Variants in ACBD6 observed in about 807,000 individuals in gnomAD.
ACBD6 encodes acyl-CoA binding domain containing 6, also known as acyl-CoA-binding domain-containing protein 6.
In ACBD6, 28 loss-of-function variants were observed where a neutral mutation model predicts 37.2. The observed-to-expected ratio is 0.75, with a 90% CI of 0.56 to 1.03. ACBD6 has a LOEUF of 1.03. Among genes scored for constraint, ACBD6 ranks in the 50% least tolerant of loss-of-function variants. ACBD6 has a pLI of 0.00. For missense variants in ACBD6, 340 were observed against 337.4 expected (o/e 1.01, Z -0.06); for synonymous variants, 113 against 126.8 (o/e 0.89, Z 0.73).
chr1:180,367,839 C>A (rs1382420437), intron 6 of ACBD6, among the ~76,000 whole-genome samples: 2 of 152,116 alleles, frequency 1.3e-5, no homozygotes. Flanking sequence ...GTGAATAGTA[C>A]TGCAGTGAAC....
At chr1:180,274,299 C>T in intron 10 of ACBD6, 1 of 1,614,224 alleles carries the variant, frequency 6.2e-7, no homozygotes, top group Non-Finnish European at 8.5e-7. Flanking sequence ...ACAGGACAAT[C>T]CTATCAGGAC....
intron 3 of ACBD6, among the ~76,000 whole-genome samples, chr1:180,472,855 T>A (rs942603475): frequency 6.6e-6 from 1 of 152,174 alleles, no homozygotes; most frequent in African/African-American, 2.4e-5. Flanking sequence ...GTTCAATAAA[T>A]CTTAGCTGAA....
intron 7 of ACBD6, among the ~76,000 whole-genome samples, chr1:180,312,008 T>C (rs1031032619): frequency 6.6e-6 from 1 of 152,342 alleles, no homozygotes; most frequent in South Asian, 2.1e-4. Flanking sequence ...ATCTTGATAT[T>C]TGGAAGAACA....
intron 1 of ACBD6, among the ~76,000 whole-genome samples, chr1:180,496,503 A>C (rs961162): frequency 0.16 from 24,180 of 152,040 alleles, 1,964 homozygotes; most frequent in Middle Eastern, 0.22. Flanking sequence ...TGATCTACTG[A>C]CTGCCTTAGG....
intron 6 of ACBD6, among the ~76,000 whole-genome samples, chr1:180,344,827 A>G (rs1044805211): frequency 3.3e-5 from 5 of 152,226 alleles, no homozygotes; most frequent in African/African-American, 1.2e-4. Flanking sequence ...GAATCAACAC[A>G]GATAATACAA....
intron 6 of ACBD6, among the ~76,000 whole-genome samples, chr1:180,344,916 C>T (rs1369877790): frequency 6.6e-6 from 1 of 152,142 alleles, no homozygotes; most frequent in Non-Finnish European, 1.5e-5. Flanking sequence ...GTATCACATA[C>T]AGCATGCTTG....
intron 8 of ACBD6, among the ~76,000 whole-genome samples, chr1:180,282,924 A>C (rs1005744711): frequency 3.3e-5 from 5 of 151,260 alleles, no homozygotes; most frequent in African/African-American, 1.2e-4. Context: ...TGTTCAGTCA[A>C]GGTTTGGTGG....
chr1:180,294,539 T>TA (rs945355802), intron 7 of ACBD6, among the ~76,000 whole-genome samples: 15 of 151,054 alleles, frequency 9.9e-5, no homozygotes, highest in African/African-American at 3.6e-4. Flanking sequence ...GACCCTGACT[T>TA]AAAAAAATAT....
At chr1:180,332,735 C>A (rs1443049619) in intron 6 of ACBD6, among the ~76,000 whole-genome samples, 2 of 152,010 alleles carry the variant, frequency 1.3e-5, no homozygotes, top group Non-Finnish European at 2.9e-5. Context: ...ATAAAGTGCA[C>A]AATAAATGTA....
At chr1:180,270,824 T>C (rs1558223305) in exon 14 of ACBD6, 1 of 166,602 alleles carries the variant, frequency 6.0e-6, no homozygotes, top group Non-Finnish European at 1.3e-5. Context: ...AGCCCACGAG[T>C]GGGTTCTGAC....
intron 6 of ACBD6, among the ~76,000 whole-genome samples, chr1:180,331,208 G>A (rs75839089): frequency 3.3e-5 from 5 of 152,154 alleles, no homozygotes; most frequent in Non-Finnish European, 5.9e-5. Flanking sequence ...ACATTCCAAA[G>A]TACAGTGTCC....
intron 7 of ACBD6, among the ~76,000 whole-genome samples, chr1:180,290,205 T>C (rs938309648): frequency 2.0e-5 from 3 of 152,186 alleles, no homozygotes; most frequent in Admixed American, 6.5e-5. Context: ...CACGGACTTT[T>C]TGAGACAGGG....
At chr1:180,332,712 A>G (rs1651532366) in intron 6 of ACBD6, among the ~76,000 whole-genome samples, 1 of 152,086 alleles carries the variant, frequency 6.6e-6, no homozygotes, top group African/African-American at 2.4e-5. Context: ...ATATATTGCA[A>G]TGTAATAATA....
chr1:180,274,158 A>G lies in ACBD6; in HGVS notation c.*937-46T>C. The G allele has an allele frequency of 1.9e-6, 3 of 1,614,102 alleles. No individual in the cohort carries two copies. In the African/African-American group the frequency reaches 4.0e-5, roughly 22 times the overall value. On this transcript the variant is annotated intron_variant, in intron 10 of 13. Transcript: ENST00000642319. ...GACCATCAGAGTCCTGGCAGCTGAC[A>G]ATAAATCTCCGTTCTTTTGTCCACA...
chr1:180,493,409 G>T (rs1423155921), intron 2 of ACBD6, among the ~76,000 whole-genome samples: 1 of 151,998 alleles, frequency 6.6e-6, no homozygotes, highest in African/African-American at 2.4e-5. Context: ...CAGGCTGCCA[G>T]GACAGGCCTT....
chr1:180,469,098 A>G (rs1411058714), intron 3 of ACBD6, among the ~76,000 whole-genome samples: 12 of 152,222 alleles, frequency 7.9e-5, no homozygotes, highest in Non-Finnish European at 2.9e-5. Context: ...TTCCATAAAC[A>G]GATACACATT....
At position 180,496,946 on chromosome 1, in the gene ACBD6, C is replaced by T. The variant is rs112594010; in HGVS notation, c.223-1421G>A. Among the ~76,000 whole-genome samples, 454 of 152,154 alleles carry T rather than the reference C, an allele frequency of 3.0e-3. 1 individual carries two copies. Among genetic ancestry groups the T allele is most frequent in the African/African-American group, 0.01 (428 of 41,494 alleles). ...GAAGCTCAGGAGGGTTGTCTCAGTT[C>T]ACACATTAGTATATCCTGAATTAGT... On this transcript the variant is annotated intron_variant, in intron 1 of 7. Coordinates refer to ENST00000367595, the MANE Select transcript of ACBD6 (RefSeq NM_032360.4).
intron 6 of ACBD6, among the ~76,000 whole-genome samples, chr1:180,362,107 A>G (rs1031938129): frequency 6.6e-6 from 1 of 152,220 alleles, no homozygotes; most frequent in Non-Finnish European, 1.5e-5. Context: ...AGAAATGTAC[A>G]TTATCCATTC....
At chr1:180,274,109 G>A (rs1410697829) in exon 11 of ACBD6, 4 of 1,573,414 alleles carry the variant, frequency 2.5e-6, no homozygotes, top group African/African-American at 2.7e-5. Context: ...GGTCATGTGT[G>A]TTCCTAGGTT....
Sources: allele counts gnomAD v4.1 joint callset (sites outside exome capture counted in the v4.1 genomes callset), GRCh38; gene constraint gnomAD v4.1.1; transcripts MANE v1.5; gene names NCBI Gene and HGNC (gene_info 2026-07-23, HGNC 2026-07-21).